PCDH11Y: variants seen among roughly 807,000 people sequenced by gnomAD.
PCDH11Y encodes the protein protocadherin-11 Y-linked.
For missense variants in PCDH11Y, 12 were observed against 224.8 expected, an observed-to-expected ratio of 0.05 and a Z score of 6.05; for synonymous variants, 9 against 83.6, an observed-to-expected ratio of 0.11 and a Z score of 4.87.
chrY:5,194,620 C>G, intron 2 of PCDH11Y, among the ~76,000 whole-genome samples: 1 of 31,533 alleles, frequency 3.2e-5, no homozygotes, highest in Non-Finnish European at 7.6e-5. Flanking sequence ...AATAATGTGT[C>G]CGGAATTGGT....
chrY:5,209,580 G>A, intron 2 of PCDH11Y, among the ~76,000 whole-genome samples: 4 of 32,752 alleles, frequency 1.2e-4, no homozygotes, highest in Non-Finnish European at 3.0e-4. Context: ...CATCACTAGG[G>A]CAACCTTGAT....
Position 5,275,322 on chromosome Y carries a change from C to T in PCDH11Y, c.3129+174615C>T, listed in dbSNP as rs1602898155. On this transcript the variant is annotated intron_variant, in intron 2 of 4. Coordinates refer to the PCDH11Y transcript ENST00000400457. ...GATAGTTTCTAGCAGACAGAGTTAA[C>T]GAATAATACATATTTTTAATAAAAC... is the stretch of plus-strand genomic sequence containing the variant. Among the ~76,000 whole-genome samples the T allele has an allele frequency of 5.3e-4, 17 of 32,309 alleles. No individual in the cohort carries two copies. In the East Asian group the frequency reaches 0.012, roughly 23 times the overall value. The allele number at this position is 32,309 out of a possible 37,273, so 86.7% of individuals were successfully genotyped here.
intron 2 of PCDH11Y, among the ~76,000 whole-genome samples, chrY:5,294,379 C>T: frequency 3.1e-5 from 1 of 32,492 alleles, no homozygotes; most frequent in Admixed American, 2.8e-4. Flanking sequence ...GCCTCAGCCC[C>T]GCAAGTAGCT....
chrY:5,247,298 T>C, intron 2 of PCDH11Y, among the ~76,000 whole-genome samples: 1 of 33,766 alleles, frequency 3.0e-5, no homozygotes, highest in East Asian at 7.8e-4. Flanking sequence ...CAGTGCCACA[T>C]GGCACTTATT....
At chrY:5,295,941 T>C (rs2053073875) in intron 2 of PCDH11Y, among the ~76,000 whole-genome samples, 264 of 33,298 alleles carry the variant, frequency 7.9e-3, no homozygotes, top group African/African-American at 0.028. Flanking sequence ...CTTCTCTGTG[T>C]TATCTTGAAT....
chrY:5,191,590 G>A, intron 2 of PCDH11Y, among the ~76,000 whole-genome samples: 6 of 31,060 alleles, frequency 1.9e-4, no homozygotes, highest in Non-Finnish European at 3.1e-4. Flanking sequence ...TTTAAGCCCC[G>A]CATACATTAA....
intron 4 of PCDH11Y, among the ~76,000 whole-genome samples, chrY:5,727,564 C>T (rs2053599732): frequency 6.1e-5 from 2 of 32,649 alleles, no homozygotes; most frequent in Non-Finnish European, 1.5e-4. Context: ...TATTTCCACA[C>T]ATTATTTTCA....
chrY:5,738,465 C>T (rs2053613662), exon 5 of PCDH11Y: 1 of 41,857 alleles, frequency 2.4e-5, no homozygotes, highest in Admixed American at 2.3e-4. Flanking sequence ...AGTGAGTCTC[C>T]CTTCAAAATA....
chrY:5,027,866 G>T, intron 1 of PCDH11Y, among the ~76,000 whole-genome samples: 1 of 29,505 alleles, frequency 3.4e-5, no homozygotes, highest in Non-Finnish European at 7.8e-5. Context: ...TTTAAAAATT[G>T]TAGTCCACAG....
chrY:5,463,045 G>T, intron 2 of PCDH11Y, among the ~76,000 whole-genome samples: 1 of 31,052 alleles, frequency 3.2e-5, no homozygotes, highest in African/African-American at 1.3e-4. Context: ...TCTAAATGTG[G>T]AATGTTCTTT....
chrY:5,225,863 C>G, intron 2 of PCDH11Y, among the ~76,000 whole-genome samples: 1 of 31,776 alleles, frequency 3.1e-5, no homozygotes, highest in Non-Finnish European at 7.6e-5. Context: ...TTGCATTTCT[C>G]TGATGATCAG....
chrY:5,559,918 G>A, intron 3 of PCDH11Y, among the ~76,000 whole-genome samples: 1 of 33,200 alleles, frequency 3.0e-5, no homozygotes, highest in African/African-American at 1.2e-4. Context: ...GGTGACTTTC[G>A]AACTGGGTAA....
At chrY:5,711,756 C>T in intron 4 of PCDH11Y, among the ~76,000 whole-genome samples, 1 of 33,436 alleles carries the variant, frequency 3.0e-5, no homozygotes, top group Non-Finnish European at 7.4e-5. Context: ...CATCACTGCA[C>T]TCCAGCCTGG....
At chrY:5,184,878 C>T in intron 2 of PCDH11Y, among the ~76,000 whole-genome samples, 1 of 26,212 alleles carries the variant, frequency 3.8e-5, no homozygotes, top group South Asian at 9.2e-4. Context: ...CTTTAGGTTG[C>T]CTCTTCATTT....
intron 3 of PCDH11Y, among the ~76,000 whole-genome samples, chrY:5,548,768 C>T (rs1602941692): frequency 6.1e-5 from 2 of 32,957 alleles, no homozygotes; most frequent in South Asian, 6.7e-4. Flanking sequence ...ATTCAACATT[C>T]GTAAACAAAC....
intron 2 of PCDH11Y, among the ~76,000 whole-genome samples, chrY:5,445,503 T>TTCC (rs2053287025): frequency 7.3e-5 from 2 of 27,570 alleles, no homozygotes; most frequent in African/African-American, 2.9e-4. Flanking sequence ...CGCCCTCCTC[T>TTCC]TCCTCCTCCT....
At chrY:5,662,818 G>A in intron 4 of PCDH11Y, among the ~76,000 whole-genome samples, 2 of 30,551 alleles carry the variant, frequency 6.5e-5, no homozygotes, top group Admixed American at 3.1e-4. Flanking sequence ...AGTTTTGGCC[G>A]GGCATGGTGG....
At chrY:5,486,730 CATAT>C (rs2053333161) in intron 2 of PCDH11Y, among the ~76,000 whole-genome samples, 2 of 4,766 alleles carry the variant, frequency 4.2e-4, no homozygotes, top group Non-Finnish European at 6.5e-4. Flanking sequence ...TATATATACA[CATAT>C]ATATATATAT....
At chrY:5,105,052 C>CT (rs2052786168), downstream of PCDH11Y, 1 of 130,222 alleles carries the variant, frequency 7.7e-6, no homozygotes, top group African/African-American at 1.0e-4. Context: ...ACCATCCTGG[C>CT]TAACATGGTG....
Sources: allele counts gnomAD v4.1 joint callset (sites outside exome capture counted in the v4.1 genomes callset), GRCh38; gene constraint gnomAD v4.1.1; transcripts MANE v1.5; gene names NCBI Gene and HGNC (gene_info 2026-07-23, HGNC 2026-07-21).